PLEKHM3: variants seen among roughly 807,000 people sequenced by gnomAD.
The protein encoded by PLEKHM3 is pleckstrin homology domain containing M3.
A neutral mutation model predicts 81.8 loss-of-function variants in PLEKHM3; 45 were observed. That is an observed-to-expected ratio of 0.55 (90% confidence interval 0.43 to 0.71). PLEKHM3 has a LOEUF of 0.71. Ranked by LOEUF, PLEKHM3 falls within the 30% of genes least tolerant of loss-of-function variation. The pLI, the probability that PLEKHM3 is intolerant of heterozygous loss-of-function variation, is 0.00. For missense variants in PLEKHM3, 788 were observed against 924.3 expected (o/e 0.85, Z 1.91); for synonymous variants, 352 against 356.4 (o/e 0.99, Z 0.14).
At chr2:207,925,148 T>TA (rs1414243468) in intron 5 of PLEKHM3, among the ~76,000 whole-genome samples, 1 of 91,404 alleles carries the variant, frequency 1.1e-5, no homozygotes, top group Admixed American at 1.0e-4. Context: ...TTGTTTTTTG[T>TA]TTTTTTTTTT....
rs972255490 is a variant in PLEKHM3, at chr2:207,823,490, G to C, written c.*4829C>G. 1 of 152,066 alleles carries C rather than the reference G, an allele frequency of 6.6e-6. No homozygotes were observed. Among genetic ancestry groups the C allele is most frequent in the African/African-American group, 2.4e-5 (1 of 41,406 alleles). The allele number at this position is 152,066 out of a possible 1,614,324, so 9.4% of individuals were successfully genotyped here. ...CTAATTTTTGTATTTTTAGTAAAGAGGGGGGTTTCACCATGTTGGCCAGGC... is the reference window on the plus strand; with the variant it reads ...CTAATTTTTGTATTTTTAGTAAAGACGGGGGTTTCACCATGTTGGCCAGGC... On this transcript the variant is annotated 3_prime_UTR_variant, in exon 8 of 8. Transcript: ENST00000427836.
chr2:207,950,104 T>C (rs1327941982), intron 3 of PLEKHM3, among the ~76,000 whole-genome samples: 1 of 152,166 alleles, frequency 6.6e-6, no homozygotes, highest in African/African-American at 2.4e-5. Context: ...AGAACATGGA[T>C]AGGGTCCATT....
chr2:208,007,191 G>A (rs908330124), intron 1 of PLEKHM3, among the ~76,000 whole-genome samples: 5 of 152,206 alleles, frequency 3.3e-5, no homozygotes, highest in African/African-American at 9.6e-5. Context: ...AAGACACCTA[G>A]GACAACTTAT....
rs570742429 is a variant in PLEKHM3 at position 208,015,090 on chromosome 2, A to G, written c.-319+10299T>C. 2.0e-3 allele frequency among the ~76,000 whole-genome samples: 311 copies of G among 152,376 alleles called. 1 individual carries two copies. Among genetic ancestry groups the G allele is most frequent in the Non-Finnish European group, 3.8e-3 (259 of 68,040 alleles). On this transcript the variant is annotated intron_variant, in intron 1 of 7. Transcript: ENST00000427836. ...TTGCATACTTACTAAAGTACTTACT[A>G]CTTAACGTATGTTAAGCCTTTTACT...
chr2:207,948,551 T>G (rs1690219914), intron 3 of PLEKHM3, among the ~76,000 whole-genome samples: 1 of 149,016 alleles, frequency 6.7e-6, no homozygotes, highest in East Asian at 1.9e-4. Context: ...TTTTTGTTTT[T>G]TTTTTTTTTT....
At chr2:207,922,848 G>A (rs934691930) in intron 5 of PLEKHM3, among the ~76,000 whole-genome samples, 89 of 151,960 alleles carry the variant, frequency 5.9e-4, no homozygotes, top group African/African-American at 2.0e-3. Flanking sequence ...GCCCTTAAGT[G>A]CCAAATGCGT....
chr2:207,896,732 T>C (rs1390242847), intron 6 of PLEKHM3, among the ~76,000 whole-genome samples: 1 of 152,238 alleles, frequency 6.6e-6, no homozygotes, highest in Non-Finnish European at 1.5e-5. Flanking sequence ...AAATTCTATG[T>C]GTGCTTTACA....
chr2:207,976,809 T>C lies in PLEKHM3; in HGVS notation c.1388A>G (p.Gln463Arg). The C allele has an allele frequency of 2.5e-6, 4 of 1,614,260 alleles. No individual in the cohort carries two copies. Among genetic ancestry groups the C allele is most frequent in the Non-Finnish European group, 3.4e-6 (4 of 1,180,058 alleles). ...IAANVARSSE[Q>R]NLQVTLRNKP... The stretch of plus-strand genomic sequence containing the variant: ...GTTCCTCAGTGTGACTTGCAGGTTT[T>C]GCTCTGAACTCCTCGCCACATTGGC... Residue 463 changes from glutamine (Q) to arginine (R), a missense_variant, in exon 3 of 8, where the codon CAA (glutamine) becomes CGA (arginine). Transcript: ENST00000427836. This position sits in a 1 kb window ranked among gnomAD's most constrained non-coding sequence, Gnocchi z 4.1.
chr2:207,876,574 C>T (rs1332701093), intron 6 of PLEKHM3, among the ~76,000 whole-genome samples: 1 of 152,174 alleles, frequency 6.6e-6, no homozygotes, highest in African/African-American at 2.4e-5. Flanking sequence ...GGCTTCAGCC[C>T]ATTCAATTAG....
intron 3 of PLEKHM3, among the ~76,000 whole-genome samples, chr2:207,953,160 C>CG (rs1286078288): frequency 9.4e-6 from 1 of 105,992 alleles, no homozygotes; most frequent in Non-Finnish European, 2.5e-5. Context: ...ATTGCTAATG[C>CG]GGATAGTATG....
chr2:207,890,717 C>G (rs1688035709), intron 6 of PLEKHM3, among the ~76,000 whole-genome samples: 1 of 152,140 alleles, frequency 6.6e-6, no homozygotes, highest in African/African-American at 2.4e-5. Flanking sequence ...CTAGCAACAT[C>G]ATCTACCAAA....
intron 7 of PLEKHM3, among the ~76,000 whole-genome samples, chr2:207,849,484 A>G (rs1254710963): frequency 6.6e-6 from 1 of 152,220 alleles, no homozygotes; most frequent in Non-Finnish European, 1.5e-5. Context: ...TTGTGCACAA[A>G]GAAAAACTGG....
intron 7 of PLEKHM3, among the ~76,000 whole-genome samples, chr2:207,837,785 T>TGAGA (rs2092328637): frequency 3.3e-5 from 2 of 60,904 alleles, no homozygotes; most frequent in African/African-American, 6.4e-5. Flanking sequence ...TTTTTTTTTT[T>TGAGA]TTTGAGATTA....
intron 3 of PLEKHM3, among the ~76,000 whole-genome samples, chr2:207,966,852 G>A (rs1690932378): frequency 6.6e-6 from 1 of 152,126 alleles, no homozygotes; most frequent in African/African-American, 2.4e-5. Flanking sequence ...CCCGCACCCA[G>A]CCTAGGATGT....
chr2:207,927,911 C>T (rs964308371), intron 5 of PLEKHM3, among the ~76,000 whole-genome samples: 12 of 152,058 alleles, frequency 7.9e-5, no homozygotes, highest in African/African-American at 2.4e-4. Context: ...ACTAAATAGT[C>T]GTATTTCAGA....
rs116427955 is a variant in PLEKHM3, at chr2:207,854,809, A to C, written c.2108+6296T>G. Among the ~76,000 whole-genome samples, 747 of 152,312 alleles carry C rather than the reference A, an allele frequency of 4.9e-3. 10 individuals carry two copies. Among genetic ancestry groups the C allele is most frequent in the African/African-American group, 0.017 (704 of 41,562 alleles). ...TTTTTACTACTGAGTAAAGACCCCT[A>C]TGAACTCAGAGATATGCTAATGTGG... On this transcript the variant is annotated intron_variant, in intron 7 of 7. Transcript: ENST00000427836.
chr2:207,998,843 G>A (rs1228970916), intron 2 of PLEKHM3, among the ~76,000 whole-genome samples: 4 of 152,120 alleles, frequency 2.6e-5, no homozygotes, highest in African/African-American at 9.7e-5. Flanking sequence ...TAAGGAGGTT[G>A]TAATAAAAAC....
intron 6 of PLEKHM3, chr2:207,901,257 G>T (rs754850981): frequency 2.8e-6 from 2 of 702,940 alleles, no homozygotes; most frequent in East Asian, 2.7e-5. Flanking sequence ...GAGCTCCCCC[G>T]ATCCTTCAAT....
chr2:207,856,418 A>AT (rs1387411928), intron 7 of PLEKHM3, among the ~76,000 whole-genome samples: 1 of 152,240 alleles, frequency 6.6e-6, no homozygotes, highest in African/African-American at 2.4e-5. Flanking sequence ...CCACTGAAGC[A>AT]TCATACAGAA....
Sources: gnomAD v4.1 joint callset for allele counts (sites outside exome capture counted in the v4.1 genomes callset) on GRCh38, gnomAD v4.1.1 for gene constraint, Gnocchi (gnomAD v3.1) non-coding constraint, MANE v1.5 for transcripts, NCBI Gene and HGNC (gene_info 2026-07-23, HGNC 2026-07-21) for gene names.